NTPCR: variants seen among roughly 807,000 people sequenced by gnomAD.
NTPCR encodes cancer-related nucleoside-triphosphatase.
Under a neutral mutation model 19.5 loss-of-function variants are expected in NTPCR, and 15 were observed. The ratio of observed to expected loss-of-function variants is 0.77; its 90% CI spans 0.51 to 1.18. The LOEUF (loss-of-function observed/expected upper bound fraction) is 1.18, where lower values mean the gene tolerates loss of function less well. Ranked by LOEUF, NTPCR falls within the 50% of genes most tolerant of loss-of-function variation. The pLI is 0.00. For synonymous variants in NTPCR, 90 were observed against 95.8 expected, an observed-to-expected ratio of 0.94 and a Z score of 0.36; for missense variants, 206 against 240.4, an observed-to-expected ratio of 0.86 and a Z score of 0.95.
At chr1:232,974,759 C>G (rs1669080001) in intron 4 of NTPCR, among the ~76,000 whole-genome samples, 1 of 152,190 alleles carries the variant, frequency 6.6e-6, no homozygotes, top group African/African-American at 2.4e-5. Context: ...AACCAGACAT[C>G]ATTTTATCAG....
chr1:232,978,059 AC>A (rs1669191455), intron 4 of NTPCR, 103 bp from the exon 5 acceptor site: 1 of 903,110 alleles, frequency 1.1e-6, no homozygotes, highest in Non-Finnish European at 1.7e-6. Flanking sequence ...AACATACCTC[AC>A]CCTCTCCCAG....
intron 3 of NTPCR, chr1:232,966,749 T>TGGCTGAACATTTATAATC (rs1298878732): frequency 1.3e-5 from 2 of 152,226 alleles, no homozygotes; most frequent in Admixed American, 1.3e-4. Flanking sequence ...GTGCGCTTCA[T>TGGCTGAACATTTATAATC]GGCTGAACAT....
rs1280762468 is a variant in NTPCR at position 232,979,639 on chromosome 1, C to T, written c.*1408C>T. 6.6e-6 allele frequency: 1 copy of T among 152,290 alleles called. No homozygotes were observed. Among genetic ancestry groups the T allele is most frequent in the Non-Finnish European group, 1.5e-5 (1 of 68,102 alleles). The allele number at this position is 152,290 out of a possible 1,614,324, so 9.4% of individuals were successfully genotyped here. A position where few individuals can be genotyped will look rare whatever the true frequency, so the allele number is the denominator to read the frequency against. On this transcript the variant is annotated 3_prime_UTR_variant, in exon 5 of 5. Coordinates refer to ENST00000366628, the MANE Select transcript of NTPCR (RefSeq NM_032324.3). The surrounding 1 kb of genome is among the most constrained non-coding windows in gnomAD (Gnocchi z 5.3). The stretch of plus-strand genomic sequence containing the variant: ...GGAAGTGGGCATCTCCTTCCACAGT[C>T]CCTGCCTGGCGGGGCTGTTCAGGGA...
At chr1:232,952,928 C>T (rs1293014750) in intron 1 of NTPCR, among the ~76,000 whole-genome samples, 1 of 152,150 alleles carries the variant, frequency 6.6e-6, no homozygotes, top group Non-Finnish European at 1.5e-5. Context: ...CCCACTTGGC[C>T]TGCAAACAGA....
chr1:232,971,750 G>A (rs1668989709), intron 4 of NTPCR, among the ~76,000 whole-genome samples: 1 of 152,180 alleles, frequency 6.6e-6, no homozygotes, highest in South Asian at 2.1e-4. Context: ...CAGGCAATGT[G>A]GTAGTTGGGG....
intron 4 of NTPCR, 37 bp downstream of exon 4, chr1:232,970,155 G>T: frequency 6.6e-7 from 1 of 1,525,052 alleles, no homozygotes; most frequent in South Asian, 1.1e-5. Context: ...AGTGGAAATG[G>T]AGCAGATGAT....
At chr1:232,952,897 G>A (rs778319999) in intron 1 of NTPCR, among the ~76,000 whole-genome samples, 1 of 152,094 alleles carries the variant, frequency 6.6e-6, no homozygotes, top group African/African-American at 2.4e-5. Context: ...CATCTTGGAG[G>A]GCTTTCTCTG....
chr1:232,977,087 C>T (rs911416488), intron 4 of NTPCR: 1 of 152,636 alleles, frequency 6.6e-6, no homozygotes, highest in Non-Finnish European at 1.5e-5. Flanking sequence ...TCTTCAGATA[C>T]AACCACCCTG....
intron 2 of NTPCR, 73 bp downstream of exon 2, chr1:232,955,792 A>G (rs1222816638): frequency 2.7e-6 from 4 of 1,455,782 alleles, no homozygotes; most frequent in Non-Finnish European, 2.9e-6. Context: ...GAGCTTTTCA[A>G]CAAGAGCTAA....
chr1:232,960,043 T>C (rs1668626552), intron 3 of NTPCR, among the ~76,000 whole-genome samples: 1 of 151,314 alleles, frequency 6.6e-6, no homozygotes, highest in South Asian at 2.1e-4. Context: ...AAACCCAGTA[T>C]CTACTAAAAA....
Position 232,950,628 on chromosome 1 carries a change from C to CA in NTPCR, c.-83_-82insA. On this transcript the variant is annotated 5_prime_UTR_variant, in exon 1 of 5. Transcript: ENST00000366628. ...CACGCGGTGGGCGGGTCCTGAGTCGCGACCCTGGTCCGGACCTGACCTGAA... is the reference window on the plus strand; with the variant it reads ...CACGCGGTGGGCGGGTCCTGAGTCGCAGACCCTGGTCCGGACCTGACCTGAA... The CA allele has an allele frequency of 8.5e-7, 1 of 1,172,258 alleles. No individual in the cohort carries two copies. Among genetic ancestry groups the CA allele is most frequent in the Non-Finnish European group, 1.3e-6 (1 of 790,244 alleles). 72.6% of individuals were successfully genotyped at this position (1,172,258 alleles called of 1,614,324 possible). A position where few individuals can be genotyped will look rare whatever the true frequency, so the allele number is the denominator to read the frequency against.
intron 4 of NTPCR, chr1:232,976,311 A>G: frequency 2.1e-6 from 3 of 1,458,420 alleles, no homozygotes; most frequent in Non-Finnish European, 1.8e-6. Flanking sequence ...GCTATCTTGA[A>G]ATATACACTA....
intron 3 of NTPCR, chr1:232,968,556 C>A (rs1402510385): frequency 6.6e-6 from 1 of 152,178 alleles, no homozygotes; most frequent in Non-Finnish European, 1.5e-5. Flanking sequence ...AGATTCCCAC[C>A]TCTGTGTGTG....
At chr1:232,970,226 C>A in intron 4 of NTPCR, 108 bp downstream of exon 4, 2 of 881,444 alleles carry the variant, frequency 2.3e-6, no homozygotes, top group Non-Finnish European at 3.6e-6. Flanking sequence ...TTTTCCCTTC[C>A]ATGCTGAAAT....
chr1:232,964,544 A>G (rs570179900), intron 3 of NTPCR: 2 of 152,270 alleles, frequency 1.3e-5, no homozygotes, highest in East Asian at 1.9e-4. Flanking sequence ...GATAAAAATA[A>G]TTTTCTCTTG....
At chr1:232,954,394 G>A (rs904626504) in intron 1 of NTPCR, among the ~76,000 whole-genome samples, 4 of 152,214 alleles carry the variant, frequency 2.6e-5, no homozygotes, top group Non-Finnish European at 5.9e-5. Context: ...AGAGTGGGTA[G>A]TCTTAGAAAT....
chr1:232,979,749 C>G lies in NTPCR; in HGVS notation c.*1518C>G, dbSNP rs1669236220. On this transcript the variant is annotated 3_prime_UTR_variant, in exon 5 of 5. Transcript: ENST00000366628. This position sits in a 1 kb window ranked among gnomAD's most constrained non-coding sequence, Gnocchi z 5.3. ...CAGGACACCGGTGTGGGCTGCATGC[C>G]TCAGTGGGCCAGGAGAGGCACGGCC... is the stretch of plus-strand genomic sequence containing the variant. 1 of 152,250 alleles carries G rather than the reference C, an allele frequency of 6.6e-6. No homozygotes were observed. The highest frequency in any genetic ancestry group is 2.1e-4 in the South Asian group (1 of 4,832). The allele number at this position is 152,250 out of a possible 1,614,324, so 9.4% of individuals were successfully genotyped here. A position where few individuals can be genotyped will look rare whatever the true frequency, so the allele number is the denominator to read the frequency against.
At chr1:232,976,910 GC>G (rs1241994317) in intron 4 of NTPCR, 1 of 174,580 alleles carries the variant, frequency 5.7e-6, no homozygotes, top group Non-Finnish European at 1.2e-5. Context: ...GGCCTGGCTT[GC>G]CCACTTGTTG....
At chr1:232,971,999 A>G (rs1353781742) in intron 4 of NTPCR, among the ~76,000 whole-genome samples, 1 of 151,902 alleles carries the variant, frequency 6.6e-6, no homozygotes, top group Non-Finnish European at 1.5e-5. Context: ...CTAGTGTTAG[A>G]CTCCAGGGAT....
Sources: gnomAD v4.1 joint callset for allele counts (sites outside exome capture counted in the v4.1 genomes callset) on GRCh38, gnomAD v4.1.1 for gene constraint, Gnocchi (gnomAD v3.1) non-coding constraint, MANE v1.5 for transcripts, NCBI Gene and HGNC (gene_info 2026-07-23, HGNC 2026-07-21) for gene names.